The following PTPN3 variants were observed in gnomAD, a reference collection of about 807,000 sequenced individuals.
PTPN3 encodes the protein tyrosine-protein phosphatase non-receptor type 3.
Under a neutral mutation model 132.7 loss-of-function variants are expected in PTPN3, and 96 were observed. That is an observed-to-expected ratio of 0.72 (90% CI 0.61 to 0.86). The LOEUF is 0.86. PTPN3 is among the 40% of genes least tolerant of loss of function. The pLI is 0.00. For missense variants in PTPN3, 1,125 were observed against 1,159.6 expected, an observed-to-expected ratio of 0.97 and a Z score of 0.43; for synonymous variants, 398 against 429.0, an observed-to-expected ratio of 0.93 and a Z score of 0.89.
At position 109,481,400 on chromosome 9, in the gene PTPN3, G is replaced by A. The variant is rs560266643; in HGVS notation, c.-18+16819C>T. ...AAGGGGATGGGGAAATGAACCCTGAGTCCTAGATCTCATTCTGCTCCACCA... is the reference window on the plus strand; with the variant it reads ...AAGGGGATGGGGAAATGAACCCTGAATCCTAGATCTCATTCTGCTCCACCA... On this transcript the variant is annotated intron_variant, in intron 1 of 25. Transcript: ENST00000374541. Among the ~76,000 whole-genome samples, 17 of 152,320 alleles carry A rather than the reference G, an allele frequency of 1.1e-4. No homozygotes were observed. The East Asian group carries it at 2.9e-3, about 26-fold the overall frequency.
chr9:109,455,839 T>C (rs1488553953), intron 4 of PTPN3, among the ~76,000 whole-genome samples: 1 of 152,240 alleles, frequency 6.6e-6, no homozygotes, highest in African/African-American at 2.4e-5. Context: ...TGATCTGGAC[T>C]GGATTCCCAG....
At chr9:109,427,169 AGG>A in intron 11 of PTPN3, 47 bp from the exon 12 acceptor site, 1 of 1,589,660 alleles carries the variant, frequency 6.3e-7, no homozygotes, top group East Asian at 2.2e-5. Context: ...ACATAGGAGC[AGG>A]GACTTGTAAG....
chr9:109,430,145 T>C (rs562048518), intron 10 of PTPN3, among the ~76,000 whole-genome samples: 5 of 152,158 alleles, frequency 3.3e-5, no homozygotes, highest in South Asian at 4.2e-4. Flanking sequence ...CTCTTCCTAG[T>C]GTGTGTTACT....
At chr9:109,504,072 G>T in the PTPN3 span, among the ~76,000 whole-genome samples, 1 of 152,202 alleles carries the variant, frequency 6.6e-6, no homozygotes, top group Non-Finnish European at 1.5e-5. Flanking sequence ...ATAGGATTGA[G>T]AAACGTAATC....
chr9:109,382,213 G>A lies in PTPN3; in HGVS notation c.2528+89C>T, dbSNP rs1033700665. 4.1e-6 allele frequency: 6 copies of A among 1,450,268 alleles called. No individual in the cohort carries two copies. In the African/African-American group the frequency reaches 5.6e-5, roughly 14 times the overall value. 89.8% of individuals were successfully genotyped at this position (1,450,268 alleles called of 1,614,324 possible). A position where few individuals can be genotyped will look rare whatever the true frequency, so the allele number is the denominator to read the frequency against. ...GTAAGGGCACACGACTTTGTGGGAT[G>A]TAGGGTGGGTCTGGCGCCTGCCAAT... On this transcript the variant is annotated intron_variant, in intron 24 of 25. Coordinates refer to ENST00000374541, the MANE Select transcript of PTPN3 (RefSeq NM_002829.4).
intron 12 of PTPN3, among the ~76,000 whole-genome samples, chr9:109,426,278 T>A (rs1330116375): frequency 6.7e-6 from 1 of 148,686 alleles, no homozygotes; most frequent in Non-Finnish European, 1.5e-5. Context: ...AATTAGAATT[T>A]AAAAATTTAT....
At chr9:109,499,895 C>A (rs10979893), upstream of PTPN3, among the ~76,000 whole-genome samples, 53,841 of 151,924 alleles carry the variant, frequency 0.35, 10,128 homozygotes, top group East Asian at 0.62. Context: ...AAACCTGGAG[C>A]CGCGGCGCCC....
chr9:109,536,799 G>T, the PTPN3 span, among the ~76,000 whole-genome samples: 1 of 152,184 alleles, frequency 6.6e-6, no homozygotes, highest in East Asian at 1.9e-4. Context: ...TTCTCTTGCT[G>T]CCTTGCCTTT....
At chr9:109,450,169 T>G (rs1327340581) in intron 5 of PTPN3, 1 of 984,958 alleles carries the variant, frequency 1.0e-6, no homozygotes. Flanking sequence ...TTACTTTGAT[T>G]ATAATTAACT....
intron 12 of PTPN3, among the ~76,000 whole-genome samples, chr9:109,426,678 T>C (rs1479575157): frequency 6.6e-6 from 1 of 152,168 alleles, no homozygotes; most frequent in Non-Finnish European, 1.5e-5. Context: ...CCATTTCCTT[T>C]ATTATGTCAT....
chr9:109,524,692 C>G, the PTPN3 span, among the ~76,000 whole-genome samples: 1 of 152,100 alleles, frequency 6.6e-6, no homozygotes, highest in Non-Finnish European at 1.5e-5. Context: ...GATTCTTTTC[C>G]TTTTAAGTAA....
At chr9:109,514,529 A>G in the PTPN3 span, among the ~76,000 whole-genome samples, 1 of 152,250 alleles carries the variant, frequency 6.6e-6, no homozygotes, top group Non-Finnish European at 1.5e-5. Context: ...CTGGGAATAC[A>G]GTGAAGACCT....
intron 5 of PTPN3, chr9:109,449,342 T>C (rs879527751): frequency 2.0e-6 from 2 of 986,926 alleles, no homozygotes; most frequent in African/African-American, 3.5e-5. Context: ...GACACCTTCT[T>C]GGCTGGGGTA....
intron 1 of PTPN3, among the ~76,000 whole-genome samples, chr9:109,467,455 G>A (rs906159935): frequency 3.9e-5 from 6 of 152,268 alleles, no homozygotes; most frequent in African/African-American, 9.6e-5. Flanking sequence ...CCAGGAAGAC[G>A]AGGACTAAAG....
intron 6 of PTPN3, among the ~76,000 whole-genome samples, chr9:109,448,334 A>G (rs7873872): frequency 0.024 from 3,603 of 152,284 alleles, 139 homozygotes; most frequent in African/African-American, 0.083. Flanking sequence ...CTCAGGGACC[A>G]TCGGCTTGGA....
chr9:109,502,215 A>G (rs569591076), upstream of PTPN3, among the ~76,000 whole-genome samples: 35 of 152,328 alleles, frequency 2.3e-4, no homozygotes, highest in African/African-American at 7.7e-4. Context: ...TATGCAGGCA[A>G]TTGGTTAAGG....
chr9:109,466,581 G>A (rs1267175657), intron 1 of PTPN3, among the ~76,000 whole-genome samples: 1 of 152,206 alleles, frequency 6.6e-6, no homozygotes, highest in Admixed American at 6.5e-5. Flanking sequence ...CAGAGTGCTT[G>A]GGGATCTTGT....
chr9:109,533,638 T>G, the PTPN3 span: 31 of 1,499,536 alleles, frequency 2.1e-5, no homozygotes, highest in Non-Finnish European at 2.7e-5. Flanking sequence ...GCCACACTGA[T>G]CTACCTTGTT....
chr9:109,506,770 T>G, the PTPN3 span, among the ~76,000 whole-genome samples: 1 of 151,982 alleles, frequency 6.6e-6, no homozygotes, highest in Non-Finnish European at 1.5e-5. Flanking sequence ...ACTTGGCTGA[T>G]TTTTGTATTT....
Sources: gnomAD v4.1 joint callset for allele counts (sites outside exome capture counted in the v4.1 genomes callset) on GRCh38, gnomAD v4.1.1 for gene constraint, MANE v1.5 for transcripts, NCBI Gene and HGNC (gene_info 2026-07-23, HGNC 2026-07-21) for gene names.